The following SLC6A17 variants were observed in gnomAD, a reference collection of about 807,000 sequenced individuals.
The protein encoded by SLC6A17 is sodium-dependent neutral amino acid transporter SLC6A17.
A neutral mutation model predicts 64.5 loss-of-function variants in SLC6A17; 21 were observed. That is an observed-to-expected ratio of 0.33 (90% CI 0.23 to 0.47). The LOEUF (loss-of-function observed/expected upper bound fraction) is 0.47, where lower values mean the gene tolerates loss of function less well. Among genes scored for constraint, SLC6A17 ranks in the 20% least tolerant of loss-of-function variants. SLC6A17 has a pLI of 1.00. For missense variants in SLC6A17, 682 were observed against 963.2 expected (o/e 0.71, Z 3.86); for synonymous variants, 372 against 399.5 (o/e 0.93, Z 0.82).
intron 1 of SLC6A17, among the ~76,000 whole-genome samples, chr1:110,161,650 G>T (rs1373486910): frequency 1.3e-5 from 2 of 152,312 alleles, no homozygotes; most frequent in East Asian, 3.9e-4. Flanking sequence ...GAAAATAAAT[G>T]ATTCTCTTTG....
In SLC6A17 at chr1:110,195,580, C is replaced by A; in HGVS notation, c.1493-6C>A. On this transcript the variant is annotated splice_region_variant and splice_polypyrimidine_tract_variant and intron_variant, in intron 9 of 11. Coordinates refer to ENST00000331565, the MANE Select transcript of SLC6A17 (RefSeq NM_001010898.4). ...GCCCCCAAACCGGCCTCCCGGCTCT[C>A]TGTAGTGGGCTGCTGTGTCTTTGCA... 1 of 1,614,122 alleles carries A rather than the reference C, an allele frequency of 6.2e-7. No homozygotes were observed. The highest frequency in any genetic ancestry group is 8.5e-7 in the Non-Finnish European group (1 of 1,180,026).
In SLC6A17 at chr1:110,184,169, G is replaced by A. The variant is rs1370519929; in HGVS notation, c.864+7430G>A. 2.6e-5 allele frequency among the ~76,000 whole-genome samples: 4 copies of A among 152,104 alleles called. No homozygotes were observed. The East Asian group carries it at 7.7e-4, about 29-fold the overall frequency. Reference sequence around the variant, plus strand: ...TCTGTTGCCCAGGCCAGAGTGCAGTGGCGTGATCTTGGCTCACTGCAACCT... The same window carrying A: ...TCTGTTGCCCAGGCCAGAGTGCAGTAGCGTGATCTTGGCTCACTGCAACCT... On this transcript the variant is annotated intron_variant, in intron 6 of 11. Transcript: ENST00000331565.
chr1:110,159,315 G>A (rs913279285), intron 1 of SLC6A17, among the ~76,000 whole-genome samples: 2 of 152,190 alleles, frequency 1.3e-5, no homozygotes, highest in African/African-American at 4.8e-5. Context: ...TGCACACAGA[G>A]CATGCGTTCT....
At chr1:110,170,438 C>T (rs539846674) in intron 2 of SLC6A17, among the ~76,000 whole-genome samples, 9 of 152,278 alleles carry the variant, frequency 5.9e-5, no homozygotes, top group Admixed American at 1.3e-4. Context: ...GAGCCGAGAT[C>T]GCGCCACTGC....
rs111992619 is a variant in SLC6A17 at position 110,163,758 on chromosome 1, G to A, written c.-87-3085G>A. ...CTGTCTCCGCCTCTCATTCTGCCCC[G>A]GGGCTCTGGCCACCTTGCTCTTCCT... On this transcript the variant is annotated intron_variant, in intron 1 of 11. Transcript: ENST00000331565. Among the ~76,000 whole-genome samples, 652 of 152,230 alleles carry A rather than the reference G, an allele frequency of 4.3e-3. 7 individuals carry two copies. Among genetic ancestry groups the A allele is most frequent in the African/African-American group, 0.015 (619 of 41,524 alleles).
chr1:110,171,713 C>T (rs1656229804), intron 2 of SLC6A17, among the ~76,000 whole-genome samples: 1 of 152,074 alleles, frequency 6.6e-6, no homozygotes, highest in African/African-American at 2.4e-5. Flanking sequence ...CCACGGAGCG[C>T]CTCATGAGGT....
At chr1:110,170,172 C>T (rs56262470) in intron 2 of SLC6A17, among the ~76,000 whole-genome samples, 5,804 of 152,256 alleles carry the variant, frequency 0.038, 390 homozygotes, top group African/African-American at 0.13. Context: ...CCACCCAGAA[C>T]ACTGGGGCGA....
At chr1:110,181,918 G>C (rs886074874) in intron 6 of SLC6A17, among the ~76,000 whole-genome samples, 4 of 152,222 alleles carry the variant, frequency 2.6e-5, no homozygotes, top group African/African-American at 9.6e-5. Flanking sequence ...TGAGGGTCCT[G>C]TGGTTAAGGT....
chr1:110,176,827 C>A, intron 6 of SLC6A17, 88 bp downstream of exon 6: 1 of 1,122,304 alleles, frequency 8.9e-7, no homozygotes, highest in Non-Finnish European at 1.3e-6. Context: ...GAATTTAATG[C>A]ACTCCGAACA....
intron 1 of SLC6A17, among the ~76,000 whole-genome samples, chr1:110,165,225 G>A (rs1026634534): frequency 3.3e-5 from 5 of 152,130 alleles, no homozygotes; most frequent in African/African-American, 7.2e-5. Flanking sequence ...TCCTAGGGCC[G>A]TACTTCACTT....
chr1:110,191,925 C>T (rs1333583252), intron 6 of SLC6A17, 47 bp from the exon 7 acceptor site: 2 of 1,589,510 alleles, frequency 1.3e-6, no homozygotes, highest in Non-Finnish European at 1.7e-6. Flanking sequence ...ATAAAACCAT[C>T]CCCTCTGTGT....
intron 1 of SLC6A17, among the ~76,000 whole-genome samples, chr1:110,164,169 A>G (rs1014166491): frequency 1.3e-5 from 2 of 152,142 alleles, no homozygotes; most frequent in Non-Finnish European, 2.9e-5. Context: ...GGCACTCAGG[A>G]AATGTATGTC....
intron 1 of SLC6A17, among the ~76,000 whole-genome samples, chr1:110,153,957 C>G (rs1377331922): frequency 2.6e-5 from 4 of 152,144 alleles, no homozygotes; most frequent in Admixed American, 6.5e-5. Flanking sequence ...TGCCAGAGGT[C>G]AGAAGCACAG....
At position 110,165,594 on chromosome 1, in the gene SLC6A17, A is replaced by G. The variant is rs539763968; in HGVS notation, c.-87-1249A>G. ...CCCATAAACCTCCCAGTTTCATTACATGTGTAACAGGGCCTGGCTGGCAGG... is the reference window on the plus strand; with the variant it reads ...CCCATAAACCTCCCAGTTTCATTACGTGTGTAACAGGGCCTGGCTGGCAGG... On this transcript the variant is annotated intron_variant, in intron 1 of 11. Transcript: ENST00000331565. 2.0e-5 allele frequency among the ~76,000 whole-genome samples: 3 copies of G among 152,256 alleles called. No homozygotes were observed. The East Asian group carries it at 5.8e-4, about 29-fold the overall frequency.
intron 3 of SLC6A17, 75 bp from the exon 4 acceptor site, chr1:110,173,898 G>C: frequency 6.5e-7 from 1 of 1,529,242 alleles, no homozygotes; most frequent in East Asian, 2.4e-5. Flanking sequence ...CCGACGTGCT[G>C]GGCCTCGGGT....
intron 6 of SLC6A17, among the ~76,000 whole-genome samples, chr1:110,177,375 AT>A (rs1415463000): frequency 2.0e-5 from 3 of 152,134 alleles, no homozygotes; most frequent in Non-Finnish European, 4.4e-5. Context: ...CACTGTTCAC[AT>A]TTCACAAAGG....
chr1:110,169,411 T>C (rs1178335680), intron 2 of SLC6A17, among the ~76,000 whole-genome samples: 1 of 152,158 alleles, frequency 6.6e-6, no homozygotes, highest in African/African-American at 2.4e-5. Flanking sequence ...ATATCAGCAA[T>C]TTTATACGTA....
intron 2 of SLC6A17, chr1:110,168,186 G>A (rs567038384): frequency 1.3e-5 from 2 of 152,380 alleles, no homozygotes; most frequent in African/African-American, 4.8e-5. Flanking sequence ...AAGAGCTCTT[G>A]TGCTCCTGAG....
At chr1:110,161,265 G>A (rs895080599) in intron 1 of SLC6A17, among the ~76,000 whole-genome samples, 1 of 152,202 alleles carries the variant, frequency 6.6e-6, no homozygotes, top group African/African-American at 2.4e-5. Flanking sequence ...AACAGTTTGG[G>A]CCACAGCTGC....
Sources: gnomAD v4.1 joint callset for allele counts (sites outside exome capture counted in the v4.1 genomes callset) on GRCh38, gnomAD v4.1.1 for gene constraint, MANE v1.5 for transcripts, NCBI Gene and HGNC (gene_info 2026-07-23, HGNC 2026-07-21) for gene names.